PDHA1: variants seen among roughly 807,000 people sequenced by gnomAD.
PDHA1 encodes pyruvate dehydrogenase E1 component subunit alpha, somatic form, mitochondrial.
In PDHA1, 1 loss-of-function variant was observed where a neutral mutation model predicts 33.0. The ratio of observed to expected loss-of-function variants is 0.03; its 90% CI spans 0.01 to 0.14. PDHA1 has a LOEUF of 0.14. Among genes scored for constraint, PDHA1 ranks in the 10% least tolerant of loss-of-function variants. PDHA1 has a pLI of 1.00. For missense variants in PDHA1, 168 were observed against 325.1 expected (o/e 0.52, Z 3.72); for synonymous variants, 123 against 119.2 (o/e 1.03, Z -0.21).
chrX:19,355,178 TCTC>T (rs1429598134), intron 6 of PDHA1, 168 bp from the exon 7 acceptor site: 14 of 539,972 alleles, frequency 2.6e-5, no homozygotes, highest in Admixed American at 1.6e-4. Context: ...GCCTGCTACT[TCTC>T]CTCCACCACC....
chrX:19,357,729 T>C lies in PDHA1; in HGVS notation c.899+10T>C, dbSNP rs1471723235. On this transcript the variant is annotated intron_variant, in intron 9 of 10. Coordinates refer to ENST00000422285, the MANE Select transcript of PDHA1 (RefSeq NM_000284.4). ...GTGACCCTGGAGTCAGGTACGCTCA[T>C]GGGCAGTGTGGTTTCCATAGGGGTG... The C allele has an allele frequency of 1.7e-6, 2 of 1,180,979 alleles. No homozygotes were observed. The highest frequency in any genetic ancestry group is 5.9e-5 in the East Asian group (2 of 33,739).
chrX:19,359,158 A>T (rs1602232010), intron 10 of PDHA1, 134 bp downstream of exon 10: 4 of 497,470 alleles, frequency 8.0e-6, no homozygotes, highest in Admixed American at 2.9e-5. Context: ...CATAGTTCCA[A>T]AGTCCCTTGG....
Position 19,349,328 on chromosome X carries a change from T to C in PDHA1, c.74T>C (p.Val25Ala), listed in dbSNP as rs774155734. The part of the protein sequence containing the change: ...ASQKPASRVL[V>A]ASRNFANDAT... ...TCTTTTAAGGCAAGCAGAGTGCTGG[T>C]AGCATCCCGTAATTTTGCAAATGAT... The change falls in exon 2 of 11, where the codon GTA becomes GCA. Residue 25 changes from valine to alanine, a missense_variant. Around this residue, in one of 5 missense-constraint regions of PDHA1, gnomAD observed 46 missense variants for 47.4 expected, o/e 0.97. Transcript: ENST00000422285. 2 of 1,186,416 alleles carry C rather than the reference T, an allele frequency of 1.7e-6. No individual in the cohort carries two copies. The highest frequency in any genetic ancestry group is 2.3e-6 in the Non-Finnish European group (2 of 872,506).
chrX:19,360,790 T>C lies in PDHA1; in HGVS notation c.*1137T>C. On this transcript the variant is annotated 3_prime_UTR_variant, in exon 11 of 11. Coordinates refer to ENST00000422285, the MANE Select transcript of PDHA1 (RefSeq NM_000284.4). ...GTTTCTGAGGCCTCCTGAGCCCTTC[T>C]GTACTGGGAGACCGCACTCCAGAGT... 8 of 1,210,208 alleles carry C rather than the reference T, an allele frequency of 6.6e-6. No individual in the cohort carries two copies. The highest frequency in any genetic ancestry group is 8.9e-6 in the Non-Finnish European group (8 of 894,822).
chrX:19,355,595 G>A, intron 7 of PDHA1, 91 bp downstream of exon 7: 1 of 1,150,846 alleles, frequency 8.7e-7, no homozygotes, highest in Non-Finnish European at 1.2e-6. Flanking sequence ...ACATTGGAGA[G>A]TTTCATTCTC....
rs1332426333 is a variant in PDHA1, at chrX:19,343,971, T to C, written c.-67T>C. On this transcript the variant is annotated 5_prime_UTR_variant, in exon 1 of 11. Coordinates refer to ENST00000422285, the MANE Select transcript of PDHA1 (RefSeq NM_000284.4). ...GTCTGCTGGGGCACCTGAAGGAGACTTGGGGGCACCCGCGTCGTGCCTCCT... is the reference window on the plus strand; with the variant it reads ...GTCTGCTGGGGCACCTGAAGGAGACCTGGGGGCACCCGCGTCGTGCCTCCT... 1.9e-6 allele frequency: 2 copies of C among 1,051,244 alleles called. No homozygotes were observed. Among genetic ancestry groups the C allele is most frequent in the African/African-American group, 1.8e-5 (1 of 54,594 alleles). 86.6% of individuals were successfully genotyped at this position (1,051,244 alleles called of 1,213,427 possible). A position where few individuals can be genotyped will look rare whatever the true frequency, so the allele number is the denominator to read the frequency against.
chrX:19,357,949 A>AGAG (rs2147184914), intron 9 of PDHA1, among the ~76,000 whole-genome samples: 1 of 112,403 alleles, frequency 8.9e-6, no homozygotes, highest in East Asian at 2.8e-4. Flanking sequence ...TTTTAAAGAA[A>AGAG]GAGTGTTATA....
chrX:19,353,501 T>C (rs1314866906), intron 5 of PDHA1, among the ~76,000 whole-genome samples: 1 of 111,989 alleles, frequency 8.9e-6, no homozygotes. Flanking sequence ...ACAGCCTAGG[T>C]GTGCAGTGGG....
chrX:19,352,201 C>G (rs2063167746), intron 4 of PDHA1, among the ~76,000 whole-genome samples: 1 of 107,968 alleles, frequency 9.3e-6, no homozygotes, highest in African/African-American at 3.4e-5. Flanking sequence ...GCGTGAGCCA[C>G]TGTGCCCGGT....
At chrX:19,354,824 CAAAGGCCCTGTGGT>C (rs1043149505) in intron 6 of PDHA1, among the ~76,000 whole-genome samples, 4 of 112,699 alleles carry the variant, frequency 3.5e-5, no homozygotes, top group African/African-American at 1.3e-4. Flanking sequence ...CAGTGCTTGG[CAAAGGCCCTGTGGT>C]AAAGGACCTC....
Position 19,344,071 on chromosome X carries a change from C to T in PDHA1, c.34C>T (p.Leu12=). 1 of 1,207,544 alleles carries T rather than the reference C, an allele frequency of 8.3e-7. No individual in the cohort carries two copies. The highest frequency in any genetic ancestry group is 1.1e-6 in the Non-Finnish European group (1 of 894,068). ...GATGCTCGCCGCCGTCTCCCGCGTG[C>T]TGTCTGGCGCTTCTCAGAAGCCGGT... ...RKMLAAVSRV[L]SGASQKPASR... The change falls in exon 1 of 11, where the codon CTG becomes TTG. Residue 12 remains leucine, a synonymous_variant. Coordinates refer to ENST00000422285, the MANE Select transcript of PDHA1 (RefSeq NM_000284.4).
At chrX:19,351,909 A>T (rs768486995) in intron 4 of PDHA1, among the ~76,000 whole-genome samples, 1 of 98,634 alleles carries the variant, frequency 1.0e-5, no homozygotes, top group Non-Finnish European at 2.0e-5. Context: ...AGTGATTCTC[A>T]TGCCTCCACC....
rs780260798 is a variant in PDHA1, at chrX:19,361,416, C to A, written c.*1763C>A. ...AAAGTGTATAACCCTCTTCAACAATCTGAAACAAAGATCAGATCCTTAAGA... is the reference window on the plus strand; with the variant it reads ...AAAGTGTATAACCCTCTTCAACAATATGAAACAAAGATCAGATCCTTAAGA... On this transcript the variant is annotated 3_prime_UTR_variant, in exon 11 of 11. Coordinates refer to ENST00000422285, the MANE Select transcript of PDHA1 (RefSeq NM_000284.4). 3 of 1,204,886 alleles carry A rather than the reference C, an allele frequency of 2.5e-6. No homozygotes were observed. The highest frequency in any genetic ancestry group is 1.8e-5 in the South Asian group (1 of 56,436).
At chrX:19,349,858 A>T (rs1454147442) in intron 2 of PDHA1, 79 bp from the exon 3 acceptor site, 9 of 788,358 alleles carry the variant, frequency 1.1e-5, no homozygotes, top group Non-Finnish European at 1.8e-5. Context: ...ATTATTTGCA[A>T]TGGAGTTAGA....
Position 19,343,959 on chromosome X carries a change from C to A in PDHA1, c.-79C>A. The A allele has an allele frequency of 1.1e-6, 1 of 936,648 alleles. No homozygotes were observed. Among genetic ancestry groups the A allele is most frequent in the Non-Finnish European group, 1.5e-6 (1 of 652,421 alleles). 77.2% of individuals were successfully genotyped at this position (936,648 alleles called of 1,213,427 possible). A position where few individuals can be genotyped will look rare whatever the true frequency, so the allele number is the denominator to read the frequency against. ...CTGAGGCGTGGCGTCTGCTGGGGCA[C>A]CTGAAGGAGACTTGGGGGCACCCGC... On this transcript the variant is annotated 5_prime_UTR_variant, in exon 1 of 11. Coordinates refer to ENST00000422285, the MANE Select transcript of PDHA1 (RefSeq NM_000284.4).
At chrX:19,347,036 G>A (rs1412620231) in intron 1 of PDHA1, among the ~76,000 whole-genome samples, 1 of 109,876 alleles carries the variant, frequency 9.1e-6, no homozygotes, top group Non-Finnish European at 1.9e-5. Flanking sequence ...AGCCTCAGGT[G>A]TGTGCCACCA....
rs569619631 is a variant in PDHA1 at position 19,347,950 on chromosome X, A to G, written c.58-1362A>G. ...TGTTGGCTTTGTCCAATAATGGTCT[A>G]TTGAGGGGTGAAGATATACGTAATT... On this transcript the variant is annotated intron_variant, in intron 1 of 10. Coordinates refer to ENST00000422285, the MANE Select transcript of PDHA1 (RefSeq NM_000284.4). Among the ~76,000 whole-genome samples the G allele has an allele frequency of 1.3e-4, 15 of 112,426 alleles. No individual in the cohort carries two copies. The South Asian group carries it at 5.1e-3, about 38-fold the overall frequency.
At position 19,344,016 on chromosome X, in the gene PDHA1, C is replaced by T; in HGVS notation, c.-22C>T. ...CCTCCTGGGTTGTGAGGAGTCGCCG[C>T]TGCCGCCACTGCCTGTGCTTCATGA... On this transcript the variant is annotated 5_prime_UTR_variant, in exon 1 of 11. Transcript: ENST00000422285. 8.3e-7 allele frequency: 1 copy of T among 1,205,143 alleles called. No homozygotes were observed. Among genetic ancestry groups the T allele is most frequent in the Non-Finnish European group, 1.1e-6 (1 of 891,953 alleles).
At chrX:19,352,779 G>C in intron 4 of PDHA1, 1 of 365,509 alleles carries the variant, frequency 2.7e-6, no homozygotes, top group East Asian at 5.1e-5. Context: ...ACTAGTATAG[G>C]AGAGGTCCTA....
Sources: gnomAD v4.1 joint callset for allele counts (sites outside exome capture counted in the v4.1 genomes callset) on GRCh38, gnomAD v4.1.1 for gene constraint, gnomAD v4.1.1 regional missense constraint, MANE v1.5 for transcripts, NCBI Gene and HGNC (gene_info 2026-07-23, HGNC 2026-07-21) for gene names.